Variants in SUMF1 observed in about 807,000 individuals in gnomAD.
SUMF1 encodes formylglycine-generating enzyme.
SUMF1 carries 48 observed loss-of-function variants against 47.6 expected under a neutral mutation model. That is an observed-to-expected ratio of 1.01 (90% CI 0.80 to 1.28). The LOEUF (loss-of-function observed/expected upper bound fraction) is 1.28, where lower values mean the gene tolerates loss of function less well. SUMF1 is among the 50% of genes most tolerant of loss of function. SUMF1 has a pLI of 0.00. For missense variants in SUMF1, 571 were observed against 485.4 expected, an observed-to-expected ratio of 1.18 and a Z score of -1.66; for synonymous variants, 230 against 192.1, an observed-to-expected ratio of 1.20 and a Z score of -1.63.
intron 7 of SUMF1, among the ~76,000 whole-genome samples, chr3:4,394,075 AG>A (rs1700963572): frequency 6.6e-6 from 1 of 152,154 alleles, no homozygotes; most frequent in African/African-American, 2.4e-5. Context: ...AATTATTTTT[AG>A]GTTTTTTTTG....
At chr3:4,123,808 G>C (rs866399718) in intron 8 of SUMF1, among the ~76,000 whole-genome samples, 1 of 152,090 alleles carries the variant, frequency 6.6e-6, no homozygotes, top group Non-Finnish European at 1.5e-5. Context: ...CTGAGGTCTT[G>C]TTCTTGTATA....
chr3:4,436,889 A>T (rs78730528), intron 3 of SUMF1, among the ~76,000 whole-genome samples: 1 of 151,654 alleles, frequency 6.6e-6, no homozygotes, highest in Non-Finnish European at 1.5e-5. Flanking sequence ...AACAAAAAAA[A>T]CCCAACTGAC....
chr3:4,376,513 C>A, intron 7 of SUMF1, 124 bp from the exon 8 acceptor site: 1 of 963,578 alleles, frequency 1.0e-6, no homozygotes. Flanking sequence ...ACATGCATTT[C>A]CACCCCTAGG....
intron 8 of SUMF1, among the ~76,000 whole-genome samples, chr3:4,242,869 C>T (rs1269708004): frequency 6.6e-6 from 1 of 152,130 alleles, no homozygotes; most frequent in Admixed American, 6.6e-5. Flanking sequence ...CTCTTTGTAC[C>T]TCTGGTAGAA....
intron 8 of SUMF1, among the ~76,000 whole-genome samples, chr3:4,227,614 G>A (rs1393647580): frequency 6.6e-6 from 1 of 152,058 alleles, no homozygotes; most frequent in Non-Finnish European, 1.5e-5. Context: ...TCCAGGCCTA[G>A]CCAGACCAGA....
At chr3:4,143,513 C>T (rs941208594) in intron 8 of SUMF1, among the ~76,000 whole-genome samples, 7 of 151,856 alleles carry the variant, frequency 4.6e-5, no homozygotes, top group African/African-American at 7.3e-5. Flanking sequence ...CCAATGGGCC[C>T]GAATGAAAGT....
intron 8 of SUMF1, among the ~76,000 whole-genome samples, chr3:4,126,557 G>T (rs553204135): frequency 1.3e-5 from 2 of 152,132 alleles, no homozygotes; most frequent in South Asian, 4.2e-4. Context: ...ACCTTTGATT[G>T]TTAGAAGCAG....
At chr3:4,137,796 AG>A (rs1693977214) in intron 8 of SUMF1, among the ~76,000 whole-genome samples, 1 of 152,090 alleles carries the variant, frequency 6.6e-6, no homozygotes, top group Non-Finnish European at 1.5e-5. Context: ...ACTGTACTGG[AG>A]GTTCTAGCCA....
chr3:4,388,006 T>C (rs143804349), intron 7 of SUMF1, among the ~76,000 whole-genome samples: 163 of 152,212 alleles, frequency 1.1e-3, no homozygotes, highest in African/African-American at 3.8e-3. Context: ...TCTAACTTGG[T>C]ATATGTTCCA....
chr3:4,068,271 T>C (rs1695426027), intron 9 of SUMF1, among the ~76,000 whole-genome samples: 1 of 144,326 alleles, frequency 6.9e-6, no homozygotes, highest in Non-Finnish European at 1.6e-5. Flanking sequence ...GAATGTGTTC[T>C]TAAAGATGGC....
chr3:4,071,704 T>C (rs1362703568), intron 8 of SUMF1, among the ~76,000 whole-genome samples: 1 of 152,172 alleles, frequency 6.6e-6, no homozygotes, highest in Non-Finnish European at 1.5e-5. Flanking sequence ...TCAAACTGGG[T>C]GGAGCCCACC....
chr3:4,439,695 A>T (rs1283294810), intron 3 of SUMF1, among the ~76,000 whole-genome samples: 1 of 151,902 alleles, frequency 6.6e-6, no homozygotes, highest in African/African-American at 2.4e-5. Flanking sequence ...AGAAAAAAAA[A>T]TCTTTCTTAA....
At chr3:4,079,660 A>G (rs1692515832) in intron 8 of SUMF1, among the ~76,000 whole-genome samples, 1 of 150,962 alleles carries the variant, frequency 6.6e-6, no homozygotes, top group African/African-American at 2.4e-5. Context: ...ATTTAGTGAA[A>G]TAATATATGG....
chr3:4,122,754 G>A (rs1343647002), intron 8 of SUMF1, among the ~76,000 whole-genome samples: 1 of 152,164 alleles, frequency 6.6e-6, no homozygotes, highest in Non-Finnish European at 1.5e-5. Context: ...TGGTTAACTA[G>A]TAGGAGAGAA....
intron 8 of SUMF1, among the ~76,000 whole-genome samples, chr3:4,221,765 G>C (rs1246663012): frequency 6.6e-6 from 1 of 152,042 alleles, no homozygotes; most frequent in African/African-American, 2.4e-5. Context: ...ATGAGAGATA[G>C]TAATCAAATA....
At chr3:4,393,441 T>C (rs539220246) in intron 7 of SUMF1, among the ~76,000 whole-genome samples, 1 of 152,242 alleles carries the variant, frequency 6.6e-6, no homozygotes, top group African/African-American at 2.4e-5. Context: ...CAAGTGATCC[T>C]CCCATCTCAG....
chr3:4,439,294 C>T (rs555202604), intron 3 of SUMF1, among the ~76,000 whole-genome samples: 21 of 151,866 alleles, frequency 1.4e-4, no homozygotes, highest in Non-Finnish European at 2.1e-4. Context: ...GAGGCTGAGG[C>T]AGGCGGATCG....
chr3:4,142,105 C>T (rs1232934290), intron 8 of SUMF1, among the ~76,000 whole-genome samples: 1 of 152,084 alleles, frequency 6.6e-6, no homozygotes, highest in Non-Finnish European at 1.5e-5. Flanking sequence ...AATTTGGGGG[C>T]TACTTTGAAG....
intron 8 of SUMF1, among the ~76,000 whole-genome samples, chr3:4,124,089 T>C (rs924606264): frequency 6.6e-6 from 1 of 152,168 alleles, no homozygotes; most frequent in Non-Finnish European, 1.5e-5. Flanking sequence ...AATAAAGCAA[T>C]AACACTTGAA....
Sources: allele counts gnomAD v4.1 joint callset (sites outside exome capture counted in the v4.1 genomes callset), GRCh38; gene constraint gnomAD v4.1.1; transcripts MANE v1.5; gene names NCBI Gene and HGNC (gene_info 2026-07-23, HGNC 2026-07-21).